ITPR2: variants seen among roughly 807,000 people sequenced by gnomAD.
The protein encoded by ITPR2 is inositol 1,4,5-trisphosphate-gated calcium channel ITPR2.
Under a neutral mutation model 317.1 loss-of-function variants are expected in ITPR2, and 207 were observed. The ratio of observed to expected loss-of-function variants is 0.65; its 90% CI spans 0.58 to 0.73. The LOEUF (loss-of-function observed/expected upper bound fraction) is 0.73. Among genes scored for constraint, ITPR2 ranks in the 30% least tolerant of loss-of-function variants. The pLI, the probability that ITPR2 is intolerant of heterozygous loss-of-function variation, is 0.00. For missense variants in ITPR2, 2,613 were observed against 3,284.0 expected (o/e 0.80, Z 4.99); for synonymous variants, 1,156 against 1,149.1 (o/e 1.01, Z -0.12).
intron 9 of ITPR2, among the ~76,000 whole-genome samples, chr12:26,706,523 G>A (rs1948555855): frequency 1.3e-5 from 2 of 152,006 alleles, no homozygotes; most frequent in African/African-American, 2.4e-5. Flanking sequence ...CTGTCTGAAC[G>A]CCCTTTCTCC....
intron 10 of ITPR2, among the ~76,000 whole-genome samples, chr12:26,687,695 A>G (rs753210873): frequency 6.6e-6 from 1 of 152,164 alleles, no homozygotes; most frequent in Non-Finnish European, 1.5e-5. Flanking sequence ...TGGTGCACAA[A>G]TGGTAGCACC....
At chr12:26,368,047 T>C (rs1939066443) in intron 55 of ITPR2, among the ~76,000 whole-genome samples, 1 of 152,208 alleles carries the variant, frequency 6.6e-6, no homozygotes, top group African/African-American at 2.4e-5. Context: ...AGTAGTTTAT[T>C]TGACATTGGA....
At chr12:26,749,848 GTTTC>G (rs1555185922) in intron 2 of ITPR2, among the ~76,000 whole-genome samples, 1 of 152,076 alleles carries the variant, frequency 6.6e-6, no homozygotes, top group Non-Finnish European at 1.5e-5. Context: ...TCATGTATGG[GTTTC>G]TTTTTCTTTT....
rs960712023 is a variant in ITPR2, at chr12:26,415,549, G to T, written c.7111-51C>A. On this transcript the variant is annotated intron_variant, in intron 50 of 56. Coordinates refer to ENST00000381340, the MANE Select transcript of ITPR2 (RefSeq NM_002223.4). ...AAGAAAAGAAGGCATTGGAGGAAAA[G>T]GTGAACAAACAAAAATATAATTACA... is the stretch of plus-strand genomic sequence containing the variant. 5 of 1,266,476 alleles carry T rather than the reference G, an allele frequency of 3.9e-6. No homozygotes were observed. The East Asian group carries it at 1.0e-4, about 26-fold the overall frequency. 78.5% of individuals were successfully genotyped at this position (1,266,476 alleles called of 1,614,324 possible).
intron 46 of ITPR2, among the ~76,000 whole-genome samples, chr12:26,442,588 G>T (rs940052567): frequency 6.6e-6 from 1 of 152,106 alleles, no homozygotes; most frequent in African/African-American, 2.4e-5. Context: ...GACCTTCATG[G>T]TTTGATGACC....
chr12:26,705,201 G>A (rs1000078498), intron 9 of ITPR2, among the ~76,000 whole-genome samples: 2 of 152,052 alleles, frequency 1.3e-5, no homozygotes. Context: ...AACTCAGTCT[G>A]CACCCACTTC....
intron 4 of ITPR2, among the ~76,000 whole-genome samples, chr12:26,723,930 T>C (rs1019594891): frequency 2.0e-5 from 3 of 152,148 alleles, no homozygotes; most frequent in Non-Finnish European, 4.4e-5. Flanking sequence ...TGCTTCCCTA[T>C]GGCTAAGAGG....
intron 54 of ITPR2, among the ~76,000 whole-genome samples, chr12:26,390,999 A>G (rs762386514): frequency 2.0e-4 from 31 of 152,180 alleles, no homozygotes; most frequent in Non-Finnish European, 5.9e-5. Context: ...CTGCCAAGGG[A>G]GCATAAAGAA....
At chr12:26,439,052 T>C (rs1941426093) in intron 47 of ITPR2, 75 bp downstream of exon 47, 5 of 854,066 alleles carry the variant, frequency 5.9e-6, no homozygotes, top group Non-Finnish European at 9.2e-6. Context: ...TTAAATGAGC[T>C]GCATCATGTG....
At chr12:26,623,552 G>GA (rs1946551358) in intron 24 of ITPR2, 3 of 152,068 alleles carry the variant, frequency 2.0e-5, no homozygotes, top group African/African-American at 7.2e-5. Context: ...GTATATATAG[G>GA]AAAAAACACA....
In ITPR2 at chr12:26,599,243, T is replaced by A; in HGVS notation, c.3904A>T (p.Thr1302Ser). The A allele has an allele frequency of 6.2e-7, 1 of 1,614,078 alleles. No homozygotes were observed. Among genetic ancestry groups the A allele is most frequent in the Non-Finnish European group, 8.5e-7 (1 of 1,179,926 alleles). ...VVQHFVHCIE[T>S]HGRHVEYLRF... ...AGGTACTCCACGTGGCGGCCATGTGTCTCAATGCAGTGCACAAAGTGTTGT... is the reference window on the plus strand; with the variant it reads ...AGGTACTCCACGTGGCGGCCATGTGACTCAATGCAGTGCACAAAGTGTTGT... Residue 1302 changes from threonine (T) to serine (S), a missense_variant, in exon 30 of 57, where the codon ACA (threonine) becomes TCA (serine). Transcript: ENST00000381340.
At chr12:26,599,541 G>A (rs1945940988) in intron 29 of ITPR2, among the ~76,000 whole-genome samples, 196 bp from the exon 30 acceptor site, 1 of 152,178 alleles carries the variant, frequency 6.6e-6, no homozygotes, top group Admixed American at 6.5e-5. Flanking sequence ...GAGGAATTTA[G>A]TTGGAGAAAT....
chr12:26,622,681 G>T lies in ITPR2; in HGVS notation c.3123-276C>A, dbSNP rs115322669. 7.0e-3 allele frequency among the ~76,000 whole-genome samples: 1,063 copies of T among 152,326 alleles called. 16 individuals are homozygous for T. The highest frequency in any genetic ancestry group is 0.024 in the African/African-American group (996 of 41,562). On this transcript the variant is annotated intron_variant, in intron 24 of 56. Coordinates refer to ENST00000381340, the MANE Select transcript of ITPR2 (RefSeq NM_002223.4). ...GAAACTGGGATGAGTTGGTCACCTT[G>T]GCATAGACAAAAGATGGGCATCTGC...
At chr12:26,416,454 G>A (rs1198194242) in intron 50 of ITPR2, among the ~76,000 whole-genome samples, 2 of 152,228 alleles carry the variant, frequency 1.3e-5, no homozygotes, top group East Asian at 3.9e-4. Flanking sequence ...CTATCTGTGG[G>A]CAGTAATTAG....
chr12:26,663,648 C>T, intron 15 of ITPR2, 37 bp downstream of exon 15: 7 of 1,557,418 alleles, frequency 4.5e-6, no homozygotes, highest in South Asian at 2.4e-5. Context: ...CCATACTTTA[C>T]ATATGAAACA....
intron 45 of ITPR2, among the ~76,000 whole-genome samples, chr12:26,453,354 T>A (rs1293650663): frequency 6.6e-6 from 1 of 152,204 alleles, no homozygotes; most frequent in Admixed American, 6.5e-5. Context: ...AAATCAGTAT[T>A]TCACCAAAAA....
At chr12:26,520,810 G>A (rs182350088) in intron 37 of ITPR2, among the ~76,000 whole-genome samples, 8 of 152,130 alleles carry the variant, frequency 5.3e-5, no homozygotes, top group Admixed American at 5.2e-4. Flanking sequence ...TATTTTTTAA[G>A]CACATACTAT....
chr12:26,651,313 T>C (rs1489460908), intron 21 of ITPR2, among the ~76,000 whole-genome samples: 2 of 152,228 alleles, frequency 1.3e-5, no homozygotes, highest in East Asian at 3.8e-4. Context: ...ATTCTCTTCA[T>C]TGTTCTCCTG....
At chr12:26,792,964 G>A (rs925601779) in intron 1 of ITPR2, among the ~76,000 whole-genome samples, 3 of 152,210 alleles carry the variant, frequency 2.0e-5, no homozygotes, top group Non-Finnish European at 1.5e-5. Flanking sequence ...CGAGGGCAGA[G>A]TACAGAGGAC....
Sources: allele counts gnomAD v4.1 joint callset (sites outside exome capture counted in the v4.1 genomes callset), GRCh38; gene constraint gnomAD v4.1.1; transcripts MANE v1.5; gene names NCBI Gene and HGNC (gene_info 2026-07-23, HGNC 2026-07-21).